SORL1: variants seen among roughly 807,000 people sequenced by gnomAD.
SORL1 encodes sortilin-related receptor.
Under a neutral mutation model 273.7 loss-of-function variants are expected in SORL1, and 127 were observed. That is an observed-to-expected ratio of 0.46 (90% confidence interval 0.40 to 0.54). The LOEUF is 0.54. SORL1 is among the 20% of genes least tolerant of loss of function. The probability of loss-of-function intolerance (pLI) is 0.00; values close to 1 mark genes in which losing one functional copy is unlikely to be tolerated. For synonymous variants in SORL1, 1,031 were observed against 1,067.4 expected (o/e 0.97, Z 0.66); for missense variants, 2,494 against 2,846.1 (o/e 0.88, Z 2.81).
chr11:121,530,037 T>C (rs1318643547), intron 11 of SORL1, among the ~76,000 whole-genome samples: 3 of 152,224 alleles, frequency 2.0e-5, no homozygotes, highest in Admixed American at 2.0e-4. Flanking sequence ...TTCTTTGAGT[T>C]GATAATTGCA....
chr11:121,466,201 G>A (rs566463141), intron 1 of SORL1, among the ~76,000 whole-genome samples: 3 of 152,266 alleles, frequency 2.0e-5, no homozygotes, highest in South Asian at 4.1e-4. Flanking sequence ...GAGAGGGAAG[G>A]TTGTTCACAC....
intron 11 of SORL1, among the ~76,000 whole-genome samples, chr11:121,531,076 A>T (rs1384257192): frequency 6.6e-6 from 1 of 151,866 alleles, no homozygotes; most frequent in African/African-American, 2.4e-5. Flanking sequence ...TCTTTCCCTC[A>T]TGGGACATGG....
intron 22 of SORL1, 78 bp from the exon 23 acceptor site, chr11:121,570,079 C>A: frequency 1.1e-6 from 1 of 922,242 alleles, no homozygotes; most frequent in Non-Finnish European, 1.7e-6. Flanking sequence ...GAGGGAAACT[C>A]AAAAGAGAAA....
chr11:121,604,094 G>A (rs544832374), intron 32 of SORL1, 99 bp from the exon 33 acceptor site: 1 of 1,431,676 alleles, frequency 7.0e-7, no homozygotes, highest in South Asian at 1.3e-5. Flanking sequence ...TGAAGCAGAA[G>A]CCAATTAGTA....
In SORL1 at chr11:121,520,854, T is replaced by C; in HGVS notation, c.1404+5T>C. On this transcript the variant is annotated splice_donor_5th_base_variant and intron_variant, in intron 9 of 47. Coordinates refer to ENST00000260197, the MANE Select transcript of SORL1 (RefSeq NM_003105.6). The stretch of plus-strand genomic sequence containing the variant: ...GGAGAGAAAATCAATTGTGAGGTAT[T>C]GATGCTTTAATCTTCTTTTGCTTTT... 6.3e-7 allele frequency: 1 copy of C among 1,578,958 alleles called. No homozygotes were observed. Among genetic ancestry groups the C allele is most frequent in the Non-Finnish European group, 8.6e-7 (1 of 1,166,006 alleles).
At chr11:121,606,114 G>C (rs1863469231) in intron 35 of SORL1, among the ~76,000 whole-genome samples, 1 of 152,116 alleles carries the variant, frequency 6.6e-6, no homozygotes, top group Admixed American at 6.5e-5. Context: ...GTACAGAAAG[G>C]GTTTTGCCGT....
chr11:121,601,748 C>T (rs1863395177), intron 32 of SORL1, among the ~76,000 whole-genome samples: 2 of 152,052 alleles, frequency 1.3e-5, no homozygotes. Flanking sequence ...TGCTTTTTTG[C>T]TCTTAAAATT....
At chr11:121,562,608 T>A (rs1862694366) in intron 21 of SORL1, among the ~76,000 whole-genome samples, 1 of 152,158 alleles carries the variant, frequency 6.6e-6, no homozygotes, top group Non-Finnish European at 1.5e-5. Flanking sequence ...TATCAGGGTG[T>A]CAAAGTACTG....
At chr11:121,488,835 G>T (rs1333776047) in intron 4 of SORL1, among the ~76,000 whole-genome samples, 1 of 152,188 alleles carries the variant, frequency 6.6e-6, no homozygotes, top group East Asian at 1.9e-4. Flanking sequence ...TGTATGATTG[G>T]ATTTACAGTG....
In SORL1 at chr11:121,488,057, A is replaced by G. The variant is rs1345882535; in HGVS notation, c.554A>G (p.Gln185Arg). 1.9e-6 allele frequency: 3 copies of G among 1,614,186 alleles called. No homozygotes were observed. Among genetic ancestry groups the G allele is most frequent in the Non-Finnish European group, 2.5e-6 (3 of 1,180,036 alleles). The stretch of plus-strand genomic sequence containing the variant: ...TACATCTTTGCAGACGCTTATGCCC[A>G]GTACCTCTGGATCACGTTTGACTTC... ...KRYIFADAYA[Q>R]YLWITFDFCN... The change falls in exon 4 of 48, where the codon CAG (glutamine) becomes CGG (arginine). Residue 185 changes from glutamine (Q) to arginine (R), a missense_variant. Gln to Arg is a conservative substitution (Grantham distance 43). Coordinates refer to ENST00000260197, the MANE Select transcript of SORL1 (RefSeq NM_003105.6).
At chr11:121,531,001 T>G (rs775313260) in intron 11 of SORL1, among the ~76,000 whole-genome samples, 3 of 152,270 alleles carry the variant, frequency 2.0e-5, no homozygotes, top group Admixed American at 6.5e-5. Context: ...GTTTGGTTTC[T>G]TTTTAAAAAT....
At chr11:121,545,648 T>C (rs778151714) in intron 14 of SORL1, among the ~76,000 whole-genome samples, 3 of 152,214 alleles carry the variant, frequency 2.0e-5, no homozygotes, top group Admixed American at 6.5e-5. Context: ...GGTAGAGGTG[T>C]CTAGGAGAGC....
chr11:121,511,990 C>T (rs114070332), intron 6 of SORL1, among the ~76,000 whole-genome samples: 416 of 152,258 alleles, frequency 2.7e-3, no homozygotes, highest in African/African-American at 9.6e-3. Flanking sequence ...TGAGGGTATG[C>T]CTCCCTGTGT....
intron 6 of SORL1, among the ~76,000 whole-genome samples, chr11:121,500,356 T>C (rs1487626374): frequency 2.6e-5 from 4 of 152,324 alleles, no homozygotes; most frequent in African/African-American, 9.6e-5. Context: ...AGCAAAGACA[T>C]GATCTGTGGA....
chr11:121,525,345 AATTT>A (rs1416819754), intron 11 of SORL1, among the ~76,000 whole-genome samples: 5 of 152,200 alleles, frequency 3.3e-5, no homozygotes, highest in Non-Finnish European at 7.3e-5. Flanking sequence ...GATATATCAT[AATTT>A]ATTTATTCAT....
Position 121,558,867 on chromosome 11 carries a change from T to G in SORL1, c.2910+30T>G, listed in dbSNP as rs758463166. 3.1e-6 allele frequency: 5 copies of G among 1,612,408 alleles called. No homozygotes were observed. The African/African-American group carries it at 5.3e-5, about 17-fold the overall frequency. The stretch of plus-strand genomic sequence containing the variant: ...GTCCATTTGTTGCTGCCGGACAGTC[T>G]GCTAGAGCGGGTGAGGAGCATATGA... On this transcript the variant is annotated intron_variant, in intron 20 of 47. Transcript: ENST00000260197.
chr11:121,611,203 T>G (rs1050955390), intron 39 of SORL1, 45 bp downstream of exon 39: 6 of 1,314,072 alleles, frequency 4.6e-6, no homozygotes, highest in Non-Finnish European at 5.5e-6. Flanking sequence ...GGCTTTATTT[T>G]GTATGGGAAC....
intron 40 of SORL1, among the ~76,000 whole-genome samples, 187 bp downstream of exon 40, chr11:121,613,019 C>A (rs1863589349): frequency 2.0e-5 from 3 of 152,172 alleles, no homozygotes. Flanking sequence ...CAGAGGGATT[C>A]ACTCAGTGGC....
In SORL1 at chr11:121,522,610, C is replaced by T. The variant is rs1862056933; in HGVS notation, c.1429C>T (p.Leu477=). Residue 477 remains leucine (L), a synonymous_variant, in exon 10 of 48, where the codon CTG becomes TTG. Transcript: ENST00000260197. ...CELSQGCSLH[L]AQRLSQLLNL... Reference sequence around the variant, plus strand: ...GCTTTCCCAGGGCTGTTCCCTTCATCTGGCTCAGCGCCTCAGTCAGCTCCT... The same window carrying T: ...GCTTTCCCAGGGCTGTTCCCTTCATTTGGCTCAGCGCCTCAGTCAGCTCCT... 6.2e-7 allele frequency: 1 copy of T among 1,614,134 alleles called. No homozygotes were observed. Among genetic ancestry groups the T allele is most frequent in the South Asian group, 1.1e-5 (1 of 91,082 alleles).
Sources: allele counts gnomAD v4.1 joint callset (sites outside exome capture counted in the v4.1 genomes callset), GRCh38; gene constraint gnomAD v4.1.1; transcripts MANE v1.5; gene names NCBI Gene and HGNC (gene_info 2026-07-23, HGNC 2026-07-21).